The following ATP5F1C variants were observed in gnomAD, a reference collection of about 807,000 sequenced individuals.
The protein encoded by ATP5F1C is ATP synthase F(1) complex subunit gamma, mitochondrial.
ATP5F1C carries 22 observed loss-of-function variants against 37.4 expected under a neutral mutation model. That is an observed-to-expected ratio of 0.59 (90% CI 0.42 to 0.84). The LOEUF (loss-of-function observed/expected upper bound fraction) is 0.84. Ranked by LOEUF, ATP5F1C falls within the 40% of genes least tolerant of loss-of-function variation. The pLI is 0.00. For synonymous variants in ATP5F1C, 121 were observed against 128.0 expected (o/e 0.95, Z 0.37); for missense variants, 286 against 362.4 (o/e 0.79, Z 1.71).
intron 3 of ATP5F1C, 59 bp from the exon 4 acceptor site, chr10:7,798,931 G>T: frequency 6.8e-7 from 1 of 1,472,974 alleles, no homozygotes; most frequent in Non-Finnish European, 9.4e-7. Context: ...GTAAATTAGA[G>T]ATTTATTGTA....
intron 8 of ATP5F1C, among the ~76,000 whole-genome samples, chr10:7,804,749 C>T (rs1266675311): frequency 3.3e-5 from 5 of 152,128 alleles, no homozygotes; most frequent in Non-Finnish European, 5.9e-5. Flanking sequence ...ATACCTCCTT[C>T]GTGAATGTTG....
At chr10:7,800,129 T>C (rs1266095466) in intron 6 of ATP5F1C, 38 bp downstream of exon 6, 1 of 1,584,056 alleles carries the variant, frequency 6.3e-7, no homozygotes, top group South Asian at 1.1e-5. Context: ...TTTTGGCATA[T>C]AGAATGGAGA....
chr10:7,803,179 G>A (rs1470092304), intron 8 of ATP5F1C, among the ~76,000 whole-genome samples: 8 of 152,202 alleles, frequency 5.3e-5, no homozygotes, highest in African/African-American at 1.9e-4. Flanking sequence ...TACAGGGCTA[G>A]TTTCAGATTT....
rs548705836 is a variant in ATP5F1C, at chr10:7,799,769, T to C, written c.429-3T>C. 2.2e-4 allele frequency: 354 copies of C among 1,612,474 alleles called. 3 individuals are homozygous for C. The Middle Eastern group carries it at 6.1e-3, about 28-fold the overall frequency. ...GCTATGTGAGCTCTTGCTTTTCTTA[T>C]AGGACTCATTCTGACCAGTTTCTGG... On this transcript the variant is annotated splice_polypyrimidine_tract_variant and splice_region_variant and intron_variant, in intron 4 of 9. Transcript: ENST00000356708.
intron 8 of ATP5F1C, among the ~76,000 whole-genome samples, chr10:7,805,151 G>A (rs950000215): frequency 6.6e-6 from 1 of 152,192 alleles, no homozygotes; most frequent in African/African-American, 2.4e-5. Context: ...AACTTGGTTA[G>A]GATACTCTCT....
chr10:7,793,376 T>A (rs1836191938), intron 1 of ATP5F1C, among the ~76,000 whole-genome samples: 1 of 152,238 alleles, frequency 6.6e-6, no homozygotes. Flanking sequence ...CCTCCCAAAG[T>A]GCTGGGATTA....
At chr10:7,801,552 G>A (rs1836366410) in intron 6 of ATP5F1C, 1 of 152,188 alleles carries the variant, frequency 6.6e-6, no homozygotes, top group Non-Finnish European at 1.5e-5. Flanking sequence ...AAATGACTAA[G>A]TTGGAATTAC....
intron 6 of ATP5F1C, 28 bp downstream of exon 6, chr10:7,800,119 T>C: frequency 6.2e-7 from 1 of 1,602,012 alleles, no homozygotes; most frequent in Non-Finnish European, 8.5e-7. Context: ...GATACATATT[T>C]TTTGGCATAT....
At chr10:7,798,895 G>T in intron 3 of ATP5F1C, 95 bp from the exon 4 acceptor site, 1 of 1,216,200 alleles carries the variant, frequency 8.2e-7, no homozygotes, top group Non-Finnish European at 1.2e-6. Flanking sequence ...ATTTAAATGC[G>T]TATTTTGGAA....
intron 2 of ATP5F1C, chr10:7,796,546 A>G: frequency 6.1e-6 from 1 of 162,894 alleles, no homozygotes; most frequent in Non-Finnish European, 1.3e-5. Flanking sequence ...TGCTTGTCCT[A>G]AGTAGTAGCT....
At chr10:7,791,662 G>A (rs141190170) in intron 1 of ATP5F1C, among the ~76,000 whole-genome samples, 171 of 152,222 alleles carry the variant, frequency 1.1e-3, no homozygotes, top group Non-Finnish European at 2.0e-3. Flanking sequence ...ATCTCAGGAC[G>A]TGCAATGATT....
rs928820189 is a variant in ATP5F1C at position 7,789,238 on chromosome 10, A to G, written c.56+975A>G. On this transcript the variant is annotated intron_variant, in intron 1 of 9. Coordinates refer to ENST00000356708, the MANE Select transcript of ATP5F1C (RefSeq NM_001001973.3). ...TGTGTCGTAGCAATTCCCTGCTCTT[A>G]ACAGTGTGGAGGATTTCTAAGGCGC... 2.6e-5 allele frequency among the ~76,000 whole-genome samples: 4 copies of G among 152,100 alleles called. No homozygotes were observed. The East Asian group carries it at 7.7e-4, about 29-fold the overall frequency.
Position 7,788,207 on chromosome 10 carries a change from C to T in ATP5F1C, c.-1C>T. 3.1e-6 allele frequency: 5 copies of T among 1,613,426 alleles called. No individual in the cohort carries two copies. The highest frequency in any genetic ancestry group is 4.2e-6 in the Non-Finnish European group (5 of 1,179,928). On this transcript the variant is annotated 5_prime_UTR_variant, in exon 1 of 10. Coordinates refer to ENST00000356708, the MANE Select transcript of ATP5F1C (RefSeq NM_001001973.3). ...CGACCTTCAGCAGGGCTGTGGCTAC[C>T]ATGTTCTCTCGCGCGGGTGTCGCTG... is the stretch of plus-strand genomic sequence containing the variant.
Position 7,800,066 on chromosome 10 carries a change from T to C in ATP5F1C, c.612T>C (p.Phe204=). ...ISYKTEEKPI[F]SLNTVASADS... The stretch of plus-strand genomic sequence containing the variant: ...ATAAGACAGAAGAAAAGCCCATCTT[T>C]TCCCTTAATACCGTTGCAAGTGCTG... The change falls in exon 6 of 10, where the codon TTT becomes TTC. Residue 204 remains phenylalanine, a synonymous_variant. Transcript: ENST00000356708. 1 of 1,614,102 alleles carries C rather than the reference T, an allele frequency of 6.2e-7. No homozygotes were observed. The highest frequency in any genetic ancestry group is 8.5e-7 in the Non-Finnish European group (1 of 1,180,030).
intron 6 of ATP5F1C, 175 bp from the exon 7 acceptor site, chr10:7,802,095 A>G (rs1475935007): frequency 1.1e-5 from 7 of 641,282 alleles, no homozygotes; most frequent in Non-Finnish European, 1.7e-5. Flanking sequence ...TGCTAAAAAT[A>G]TGCTATCATC....
intron 9 of ATP5F1C, 104 bp downstream of exon 9, chr10:7,807,114 A>AT (rs1836496292): frequency 8.9e-7 from 1 of 1,123,742 alleles, no homozygotes; most frequent in African/African-American, 1.6e-5. Flanking sequence ...AGAGATTTAG[A>AT]TGGATGGGCC....
intron 4 of ATP5F1C, 34 bp downstream of exon 4, chr10:7,799,228 G>A (rs980706278): frequency 4.4e-6 from 7 of 1,573,158 alleles, no homozygotes; most frequent in Non-Finnish European, 5.2e-6. Flanking sequence ...TTTTCATAAA[G>A]ATGTAAGCAC....
intron 8 of ATP5F1C, among the ~76,000 whole-genome samples, chr10:7,805,556 G>A (rs1419638731): frequency 6.6e-6 from 1 of 152,004 alleles, no homozygotes; most frequent in African/African-American, 2.4e-5. Context: ...GACCATCCTG[G>A]CTAACTCGGT....
intron 9 of ATP5F1C, 147 bp downstream of exon 9, chr10:7,807,157 C>T (rs761164498): frequency 5.8e-5 from 37 of 643,214 alleles, no homozygotes; most frequent in Non-Finnish European, 9.2e-5. Context: ...ACGGGAGCAC[C>T]TGGGCAACGC....
Sources: allele counts gnomAD v4.1 joint callset (sites outside exome capture counted in the v4.1 genomes callset), GRCh38; gene constraint gnomAD v4.1.1; transcripts MANE v1.5; gene names NCBI Gene and HGNC (gene_info 2026-07-23, HGNC 2026-07-21).